The following PARG variants were observed in gnomAD, a reference collection of about 807,000 sequenced individuals.
PARG encodes the protein mitochondrial poly(ADP-ribose) glycohydrolase.
PARG carries 35 observed loss-of-function variants against 113.0 expected under a neutral mutation model. The ratio of observed to expected loss-of-function variants is 0.31; its 90% CI spans 0.24 to 0.41. PARG has a LOEUF of 0.41. PARG is among the 10% of genes least tolerant of loss of function. The pLI, the probability that PARG is intolerant of heterozygous loss-of-function variation, is 1.00. For synonymous variants in PARG, 330 were observed against 409.9 expected (o/e 0.81, Z 2.36); for missense variants, 797 against 1,169.4 (o/e 0.68, Z 4.64).
At chr10:49,858,326 T>G (rs1846089518) in intron 12 of PARG, among the ~76,000 whole-genome samples, 1 of 60,932 alleles carries the variant, frequency 1.6e-5, no homozygotes, top group South Asian at 7.0e-4. Context: ...ATCTGAGGAG[T>G]TAGATCACAC....
intron 13 of PARG, among the ~76,000 whole-genome samples, chr10:49,850,151 A>G (rs1341374081): frequency 1.4e-5 from 2 of 140,456 alleles, no homozygotes; most frequent in Non-Finnish European, 3.0e-5. Flanking sequence ...TGATTAAAAC[A>G]ATGAGTCCAG....
intron 16 of PARG, among the ~76,000 whole-genome samples, chr10:49,832,036 C>G (rs983718771): frequency 3.3e-5 from 5 of 152,272 alleles, no homozygotes; most frequent in Non-Finnish European, 7.4e-5. Context: ...CAGGTGGTGT[C>G]AGACCAGTTG....
intron 7 of PARG, among the ~76,000 whole-genome samples, chr10:49,914,048 C>A (rs1837336643): frequency 6.6e-6 from 1 of 152,078 alleles, no homozygotes; most frequent in Non-Finnish European, 1.5e-5. Flanking sequence ...TATATATTAC[C>A]CGTTTCAGGC....
intron 10 of PARG, among the ~76,000 whole-genome samples, chr10:49,866,049 A>G: frequency 7.6e-6 from 1 of 131,310 alleles, no homozygotes; most frequent in Non-Finnish European, 1.7e-5. Context: ...TCAAGGAGCA[A>G]TAAATCTGGG....
Position 49,937,403 on chromosome 10 carries a change from G to C in PARG, c.218-2261C>G, listed in dbSNP as rs1223162860. Among the ~76,000 whole-genome samples the C allele has an allele frequency of 3.2e-4, 48 of 151,994 alleles. 1 individual carries two copies. The highest frequency in any genetic ancestry group is 9.4e-4 in the African/African-American group (39 of 41,450). ...AGGCAGGAGAATGGCGTGAACCCGG[G>C]AGGTGGAGCTTGCAGTGAGCGGAGA... On this transcript the variant is annotated intron_variant, in intron 1 of 17. Coordinates refer to ENST00000616448, the MANE Select transcript of PARG (RefSeq NM_003631.5).
chr10:49,889,220 T>C (rs1349012846), intron 7 of PARG, among the ~76,000 whole-genome samples: 2 of 152,220 alleles, frequency 1.3e-5, no homozygotes, highest in African/African-American at 4.8e-5. Flanking sequence ...TCATTTCAGT[T>C]GAGATTTTCC....
At chr10:49,846,329 T>C (rs1243566091) in intron 13 of PARG, among the ~76,000 whole-genome samples, 1 of 150,216 alleles carries the variant, frequency 6.7e-6, no homozygotes, top group Non-Finnish European at 1.5e-5. Flanking sequence ...GGTTGGGGAC[T>C]GACCAGAAAA....
intron 5 of PARG, 62 bp downstream of exon 5, chr10:49,922,485 G>A: frequency 1.9e-6 from 3 of 1,609,828 alleles, no homozygotes; most frequent in South Asian, 2.2e-5. Context: ...AGAATCAAAG[G>A]TCAAACAAGC....
At chr10:49,939,881 G>A (rs1414772794) in intron 1 of PARG, among the ~76,000 whole-genome samples, 7 of 152,190 alleles carry the variant, frequency 4.6e-5, no homozygotes, top group African/African-American at 1.7e-4. Flanking sequence ...AGAACTGCCC[G>A]AGCTCTGCCC....
At chr10:49,903,525 T>G (rs1848436501) in intron 7 of PARG, among the ~76,000 whole-genome samples, 1 of 152,030 alleles carries the variant, frequency 6.6e-6, no homozygotes, top group African/African-American at 2.4e-5. Flanking sequence ...AATAGTAAGA[T>G]GCCCTGGAAA....
intron 7 of PARG, among the ~76,000 whole-genome samples, chr10:49,892,906 A>C (rs1469880696): frequency 3.3e-5 from 5 of 152,148 alleles, no homozygotes; most frequent in Admixed American, 2.0e-4. Flanking sequence ...AGATGGTGAA[A>C]CCCTATCTCT....
chr10:49,933,816 A>G lies in PARG; in HGVS notation c.632T>C (p.Leu211Pro), dbSNP rs1374591231. 6.2e-6 allele frequency: 10 copies of G among 1,612,374 alleles called. No homozygotes were observed. The East Asian group carries it at 2.0e-4, about 32-fold the overall frequency. The part of the protein sequence containing the change: ...SEENRDNQQF[L>P]TTVKLANAKQ... ...TGCATTTGCAAGCTTTACAGTTGTGAGAAACTGTTGATTGTCTCTATTCTC... is the reference window on the plus strand; with the variant it reads ...TGCATTTGCAAGCTTTACAGTTGTGGGAAACTGTTGATTGTCTCTATTCTC... The change falls in exon 3 of 18, where the codon CTC becomes CCC. Residue 211 changes from leucine to proline, a missense_variant. By Grantham distance (98) the Leu-to-Pro change is moderately conservative (BLOSUM62 -3). Around this residue, in one of 5 missense-constraint regions of PARG, gnomAD observed 284 missense variants for 306.1 expected, o/e 0.93. Transcript: ENST00000616448.
rs371255501 is a variant in PARG at position 49,820,185 on chromosome 10, G to C, written c.2756C>G (p.Thr919Ser). The change falls in exon 17 of 18, where the codon ACT (threonine) becomes AGT (serine). Residue 919 changes from threonine (T) to serine (S), a missense_variant. Physicochemically the swap from Thr to Ser is moderately conservative, Grantham distance 58 (BLOSUM62 1). Coordinates refer to ENST00000616448, the MANE Select transcript of PARG (RefSeq NM_003631.5). ...RDIYSMHIFL[T>S]ERKLTVGDVY... ...CTTACCAACAGTGAGTTTCCTTTCA[G>C]TAAGGAAAATGTGCATGCTGTAAAT... The C allele has an allele frequency of 2.3e-5, 35 of 1,546,658 alleles. No individual in the cohort carries two copies. The highest frequency in any genetic ancestry group is 3.1e-5 in the Non-Finnish European group (35 of 1,142,630).
At chr10:49,916,923 C>A (rs1205297413) in intron 6 of PARG, among the ~76,000 whole-genome samples, 1 of 151,782 alleles carries the variant, frequency 6.6e-6, no homozygotes, top group Admixed American at 6.6e-5. Flanking sequence ...TTCCAAATTT[C>A]GTTATCATTG....
At chr10:49,854,977 C>A in intron 13 of PARG, among the ~76,000 whole-genome samples, 3 of 138,470 alleles carry the variant, frequency 2.2e-5, no homozygotes. Context: ...AAAGTATGGC[C>A]CATACTCAAA....
At chr10:49,837,397 TACACAC>T (rs3048454) in intron 15 of PARG, among the ~76,000 whole-genome samples, 2 of 147,974 alleles carry the variant, frequency 1.4e-5, no homozygotes, top group Admixed American at 6.8e-5. Flanking sequence ...CATGCATATA[TACACAC>T]ACACACACAC....
intron 7 of PARG, among the ~76,000 whole-genome samples, chr10:49,893,818 C>G (rs377367553): frequency 4.6e-3 from 695 of 152,040 alleles, no homozygotes; most frequent in East Asian, 0.018. Flanking sequence ...CTCAGGCTCC[C>G]GAGCAGCTGT....
intron 16 of PARG, among the ~76,000 whole-genome samples, chr10:49,823,814 T>C (rs1394814684): frequency 1.3e-5 from 2 of 152,154 alleles, no homozygotes; most frequent in African/African-American, 4.8e-5. Flanking sequence ...TTTGTGAAAA[T>C]GAAGTATTAA....
chr10:49,905,812 GAGA>G (rs1336796256), intron 7 of PARG, among the ~76,000 whole-genome samples: 2 of 152,106 alleles, frequency 1.3e-5, no homozygotes, highest in East Asian at 3.9e-4. Flanking sequence ...GCTGTGGTGG[GAGA>G]AGAATTCTGA....
Sources: gnomAD v4.1 joint callset for allele counts (sites outside exome capture counted in the v4.1 genomes callset) on GRCh38, gnomAD v4.1.1 for gene constraint, gnomAD v4.1.1 regional missense constraint, MANE v1.5 for transcripts, NCBI Gene and HGNC (gene_info 2026-07-23, HGNC 2026-07-21) for gene names.